MYO16: variants seen among roughly 807,000 people sequenced by gnomAD.
MYO16 encodes unconventional myosin-XVI.
MYO16 carries 94 observed loss-of-function variants against 205.3 expected under a neutral mutation model. The observed-to-expected ratio is 0.46, with a 90% CI of 0.39 to 0.54. The LOEUF (loss-of-function observed/expected upper bound fraction) is 0.54. MYO16 is among the 20% of genes least tolerant of loss of function. MYO16 has a pLI of 0.00. For missense variants in MYO16, 2,315 were observed against 2,387.5 expected (o/e 0.97, Z 0.63); for synonymous variants, 988 against 954.0 (o/e 1.04, Z -0.66).
At position 108,727,480 on chromosome 13, in the gene MYO16, T is replaced by A. The variant is rs768016901; in HGVS notation, c.404T>A (p.Ile135Asn). The A allele has an allele frequency of 1.9e-6, 3 of 1,614,052 alleles. No individual in the cohort carries two copies. The highest frequency in any genetic ancestry group is 2.5e-6 in the Non-Finnish European group (3 of 1,179,956). Residue 135 changes from isoleucine to asparagine, a missense_variant, in exon 4 of 35, where the codon ATT becomes AAT. Physicochemically the swap from Ile to Asn is moderately radical, Grantham distance 149. This residue lies in a region of MYO16 where 1,213 missense variants were observed against 1,274.4 expected (regional missense o/e 0.95). Transcript: ENST00000457511. Reference sequence around the variant, plus strand: ...AATGCCTTCATTGCAGAAATTCTGATTGACAGAGGAGTCAACGTCAACCAC... The same window carrying A: ...AATGCCTTCATTGCAGAAATTCTGAATGACAGAGGAGTCAACGTCAACCAC... ...YDNAFIAEIL[I>N]DRGVNVNHQD... is the part of the protein sequence containing the mutation.
the MYO16 span, among the ~76,000 whole-genome samples, chr13:108,501,236 C>T: frequency 6.6e-6 from 1 of 152,162 alleles, no homozygotes; most frequent in African/African-American, 2.4e-5. Flanking sequence ...GTTGGTGTTA[C>T]ACGAGTGGAT....
intron 20 of MYO16, among the ~76,000 whole-genome samples, chr13:108,977,652 T>G (rs999419073): frequency 6.6e-6 from 1 of 152,214 alleles, no homozygotes; most frequent in Non-Finnish European, 1.5e-5. Context: ...GAGGAGTTGA[T>G]AGTTTAATTT....
chr13:108,971,680 A>G (rs116388351), intron 20 of MYO16, among the ~76,000 whole-genome samples: 2,651 of 152,142 alleles, frequency 0.017, 56 homozygotes, highest in African/African-American at 0.059. Context: ...TTCTTATATT[A>G]CATTCTTATA....
chr13:108,868,441 T>C (rs1878835685), intron 12 of MYO16, among the ~76,000 whole-genome samples: 2 of 152,230 alleles, frequency 1.3e-5, no homozygotes, highest in South Asian at 4.1e-4. Flanking sequence ...GATGCGTGTA[T>C]TTCAGGATTT....
intron 13 of MYO16, among the ~76,000 whole-genome samples, chr13:108,885,259 A>C (rs897374920): frequency 2.6e-5 from 4 of 152,230 alleles, no homozygotes; most frequent in African/African-American, 9.6e-5. Context: ...AGCTGGAATT[A>C]CAGGCATGTG....
intron 34 of MYO16, among the ~76,000 whole-genome samples, chr13:109,204,178 C>T (rs1880511693): frequency 1.3e-5 from 2 of 152,170 alleles, no homozygotes; most frequent in African/African-American, 2.4e-5. Context: ...CATGCTATAG[C>T]TCTCCAGAAG....
At chr13:108,516,217 C>A in the MYO16 span, among the ~76,000 whole-genome samples, 10 of 151,992 alleles carry the variant, frequency 6.6e-5, no homozygotes, top group Admixed American at 4.6e-4. Context: ...GCGCAATATT[C>A]GGGTGGGAGT....
At chr13:108,526,185 A>G in the MYO16 span, among the ~76,000 whole-genome samples, 1 of 152,200 alleles carries the variant, frequency 6.6e-6, no homozygotes, top group Non-Finnish European at 1.5e-5. Context: ...GGTTTGTTAC[A>G]GATACTATAT....
rs140605877 is a variant in MYO16 at position 108,878,027 on chromosome 13, T to C, written c.1426-5032T>C. ...AGAATAGAGATCAACACTTGTTTTCTTTACCTAAATAGATGATTAGTCCTC... is the reference window on the plus strand; with the variant it reads ...AGAATAGAGATCAACACTTGTTTTCCTTACCTAAATAGATGATTAGTCCTC... On this transcript the variant is annotated intron_variant, in intron 12 of 34. Coordinates refer to ENST00000457511, the MANE Select transcript of MYO16 (RefSeq NM_001198950.3). Among the ~76,000 whole-genome samples, 530 of 152,270 alleles carry C rather than the reference T, an allele frequency of 3.5e-3. 4 individuals are homozygous for C. Among genetic ancestry groups the C allele is most frequent in the African/African-American group, 0.012 (480 of 41,542 alleles).
the MYO16 span, among the ~76,000 whole-genome samples, chr13:108,522,764 GTT>G: frequency 2.5e-5 from 2 of 80,082 alleles, no homozygotes; most frequent in African/African-American, 6.2e-5. Flanking sequence ...GGGTGTGTGT[GTT>G]TGTGTGTGTG....
intron 12 of MYO16, among the ~76,000 whole-genome samples, chr13:108,871,496 T>A (rs958665246): frequency 2.0e-5 from 3 of 152,156 alleles, no homozygotes; most frequent in African/African-American, 7.2e-5. Flanking sequence ...AAGATTTGAC[T>A]TTTCCTCCTA....
chr13:108,656,811 C>T (rs1348310927), intron 1 of MYO16, among the ~76,000 whole-genome samples: 1 of 152,198 alleles, frequency 6.6e-6, no homozygotes, highest in African/African-American at 2.4e-5. Context: ...CCGCTTCATT[C>T]TCAGCTTTTT....
chr13:108,826,786 C>A (rs914119915), intron 9 of MYO16, among the ~76,000 whole-genome samples: 8 of 152,074 alleles, frequency 5.3e-5, no homozygotes, highest in Non-Finnish European at 1.0e-4. Context: ...AAATACTCTA[C>A]ATTATTTATC....
intron 2 of MYO16, among the ~76,000 whole-genome samples, chr13:108,705,152 G>A (rs1883459808): frequency 6.6e-6 from 1 of 152,170 alleles, no homozygotes; most frequent in Non-Finnish European, 1.5e-5. Flanking sequence ...ATTCTGAATA[G>A]CATAGTGAAA....
the MYO16 span, among the ~76,000 whole-genome samples, chr13:108,543,472 G>A: frequency 0.011 from 1,635 of 151,232 alleles, 21 homozygotes; most frequent in African/African-American, 0.034. Context: ...GTGAAACCCC[G>A]TCTCTACAAA....
intron 1 of MYO16, among the ~76,000 whole-genome samples, chr13:108,632,078 C>CA (rs59971095): frequency 0.064 from 4,307 of 66,960 alleles, 152 homozygotes; most frequent in South Asian, 0.2. Context: ...AACCCCAACT[C>CA]AAAAAAAAAA....
chr13:108,794,546 A>G (rs867653506), intron 6 of MYO16, among the ~76,000 whole-genome samples: 2 of 152,200 alleles, frequency 1.3e-5, no homozygotes, highest in South Asian at 2.1e-4. Flanking sequence ...TTGGTGAGTG[A>G]ATTTCTAAAT....
chr13:109,144,370 A>G (rs275946), intron 32 of MYO16, among the ~76,000 whole-genome samples: 91,812 of 152,010 alleles, frequency 0.6, 28,083 homozygotes, highest in Middle Eastern at 0.66. Context: ...AAGTTCGGAT[A>G]TCATGTTCTC....
At chr13:108,626,925 A>ATATATAATATATATAAAAATATATATTG (rs1037311425), upstream of MYO16, among the ~76,000 whole-genome samples, 5 of 146,486 alleles carry the variant, frequency 3.4e-5, 1 homozygote, top group South Asian at 4.2e-4. Flanking sequence ...ATATATAGCT[A>ATATATAATATATATAAAAATATATATTG]TATATAATAT....
Sources: allele counts gnomAD v4.1 joint callset (sites outside exome capture counted in the v4.1 genomes callset), GRCh38; gene constraint gnomAD v4.1.1; regional missense constraint gnomAD v4.1.1; transcripts MANE v1.5; gene names NCBI Gene and HGNC (gene_info 2026-07-23, HGNC 2026-07-21).